Variants in TULP4 observed in about 807,000 individuals in gnomAD.
TULP4 encodes tubby-related protein 4.
In TULP4, 16 loss-of-function variants were observed where a neutral mutation model predicts 129.0. That is an observed-to-expected ratio of 0.12 (90% CI 0.08 to 0.19). The LOEUF (loss-of-function observed/expected upper bound fraction) is 0.19, where lower values mean the gene tolerates loss of function less well. Ranked by LOEUF, TULP4 falls within the 10% of genes least tolerant of loss-of-function variation. The pLI is 1.00. For missense variants in TULP4, 1,842 were observed against 2,059.1 expected, an observed-to-expected ratio of 0.89 and a Z score of 2.04; for synonymous variants, 998 against 854.0, an observed-to-expected ratio of 1.17 and a Z score of -2.94.
intron 1 of TULP4, among the ~76,000 whole-genome samples, chr6:158,387,970 GA>G (rs1345870351): frequency 6.6e-6 from 1 of 152,118 alleles, no homozygotes; most frequent in Non-Finnish European, 1.5e-5. Context: ...TCATATTTGT[GA>G]AAGTAAGTGT....
intron 1 of TULP4, among the ~76,000 whole-genome samples, chr6:158,333,952 G>A (rs920287865): frequency 5.3e-5 from 8 of 152,156 alleles, no homozygotes. Context: ...ACTGTAGTAT[G>A]TACTACACTA....
At chr6:158,336,118 A>G (rs747591104) in intron 1 of TULP4, among the ~76,000 whole-genome samples, 17 of 152,230 alleles carry the variant, frequency 1.1e-4, no homozygotes, top group Non-Finnish European at 2.1e-4. Flanking sequence ...AAGCTTTTAC[A>G]TTGTTGCCAA....
chr6:158,257,528 G>A (rs923728938), intron 1 of TULP4, among the ~76,000 whole-genome samples: 4 of 152,306 alleles, frequency 2.6e-5, no homozygotes, highest in East Asian at 1.9e-4. Context: ...TTTCAACCAG[G>A]TGCTTTCATG....
chr6:158,307,042 T>TA (rs1327350977), intron 1 of TULP4, among the ~76,000 whole-genome samples: 2 of 152,112 alleles, frequency 1.3e-5, no homozygotes, highest in Admixed American at 6.5e-5. Context: ...ATAAAACTGA[T>TA]AAAAAATATT....
chr6:158,388,474 C>T lies in TULP4; in HGVS notation c.253-24591C>T, dbSNP rs143191706. On this transcript the variant is annotated intron_variant, in intron 1 of 13. Transcript: ENST00000367097. ...CTTCCTGAGTAGCTGAGACTAGAGG[C>T]GCCCATCACAACGCCCGGCTAATTT... 1.4e-3 allele frequency among the ~76,000 whole-genome samples: 206 copies of T among 151,508 alleles called. 1 individual carries two copies. The highest frequency in any genetic ancestry group is 4.7e-3 in the African/African-American group (194 of 41,384).
chr6:158,435,008 G>A (rs746586336), intron 3 of TULP4, among the ~76,000 whole-genome samples: 1 of 152,202 alleles, frequency 6.6e-6, no homozygotes. Context: ...CTCTGCTGTG[G>A]GAGACAACGG....
chr6:158,377,962 A>G (rs989198800), intron 1 of TULP4, among the ~76,000 whole-genome samples: 1 of 152,104 alleles, frequency 6.6e-6, no homozygotes, highest in Non-Finnish European at 1.5e-5. Flanking sequence ...AGACTCAGTT[A>G]TGTGTCTGGT....
At chr6:158,364,458 A>G (rs1325000632) in intron 1 of TULP4, among the ~76,000 whole-genome samples, 1 of 152,186 alleles carries the variant, frequency 6.6e-6, no homozygotes, top group Admixed American at 6.5e-5. Flanking sequence ...TAGAGTAACT[A>G]TCTATAGAAG....
intron 1 of TULP4, among the ~76,000 whole-genome samples, chr6:158,302,901 C>T (rs1389843172): frequency 6.6e-6 from 1 of 151,934 alleles, no homozygotes; most frequent in African/African-American, 2.4e-5. Flanking sequence ...TTTTGACCCT[C>T]AGGGCCAGTG....
intron 12 of TULP4, among the ~76,000 whole-genome samples, chr6:158,500,615 T>C (rs1336259702): frequency 1.3e-5 from 2 of 152,236 alleles, no homozygotes; most frequent in Non-Finnish European, 2.9e-5. Flanking sequence ...GTGGGCACTT[T>C]AAACAGGGTG....
intron 1 of TULP4, among the ~76,000 whole-genome samples, chr6:158,391,079 A>AAAT (rs1366126897): frequency 6.6e-6 from 1 of 152,186 alleles, no homozygotes; most frequent in Admixed American, 6.5e-5. Flanking sequence ...CAACTCTAAA[A>AAAT]AATAATAATA....
intron 1 of TULP4, among the ~76,000 whole-genome samples, chr6:158,276,904 G>A (rs998462200): frequency 6.6e-6 from 1 of 152,102 alleles, no homozygotes; most frequent in Admixed American, 6.5e-5. Flanking sequence ...CAAGACCTCT[G>A]CTGGTCTTCT....
At chr6:158,239,347 GGCCGGGC>G (rs1777802022) in intron 1 of TULP4, among the ~76,000 whole-genome samples, 1 of 64,572 alleles carries the variant, frequency 1.5e-5, no homozygotes. Context: ...CGGGGCGGCT[GGCCGGGC>G]AGGGGGGCTG....
At chr6:158,504,648 G>A (rs373255181) in intron 13 of TULP4, among the ~76,000 whole-genome samples, 3 of 129,734 alleles carry the variant, frequency 2.3e-5, no homozygotes, top group African/African-American at 6.2e-5. Context: ...GAGCTACCAC[G>A]CCCAGCCCTA....
intron 1 of TULP4, among the ~76,000 whole-genome samples, chr6:158,373,544 C>T (rs1181557201): frequency 6.6e-6 from 1 of 152,134 alleles, no homozygotes. Context: ...TTCAGTTCCA[C>T]TTACAAACTA....
chr6:158,363,764 C>T (rs773822949), intron 1 of TULP4, among the ~76,000 whole-genome samples: 1 of 152,024 alleles, frequency 6.6e-6, no homozygotes, highest in African/African-American at 2.4e-5. Flanking sequence ...GGATTACAGG[C>T]GTGAGCCACC....
At chr6:158,444,180 A>G (rs563502629) in intron 3 of TULP4, among the ~76,000 whole-genome samples, 119 of 119,930 alleles carry the variant, frequency 9.9e-4, no homozygotes, top group Non-Finnish European at 1.3e-3. Context: ...AGATTGCACC[A>G]CTGTACTCCA....
rs1243789519 is a variant in TULP4, at chr6:158,481,272, G to T, written c.1469G>T (p.Arg490Leu). 1.9e-6 allele frequency: 3 copies of T among 1,613,646 alleles called. No individual in the cohort carries two copies. The highest frequency in any genetic ancestry group is 2.7e-5 in the African/African-American group (2 of 74,916). ...CCAGAGTTCGTCATCATGGACCCGCGGACAGATAGCAAACCAGGTGGGCCC... is the reference window on the plus strand; with the variant it reads ...CCAGAGTTCGTCATCATGGACCCGCTGACAGATAGCAAACCAGGTGGGCCC... Reference protein sequence around the residue: ...LRPEFVIMDPRTDSKPDEIYG... With the variant: ...LRPEFVIMDPLTDSKPDEIYG... Residue 490 changes from arginine (R) to leucine (L), a missense_variant, in exon 8 of 14, where the codon CGG becomes CTG. Physicochemically the swap from Arg to Leu is moderately radical, Grantham distance 102 (BLOSUM62 -2). Around this residue, in one of 5 missense-constraint regions of TULP4, gnomAD observed 456 missense variants for 534.3 expected, o/e 0.85. Transcript: ENST00000367097.
At chr6:158,485,337 A>G (rs1780041010) in intron 8 of TULP4, among the ~76,000 whole-genome samples, 1 of 152,236 alleles carries the variant, frequency 6.6e-6, no homozygotes, top group South Asian at 2.1e-4. Flanking sequence ...GACTATTCAT[A>G]TTGCAAAAAA....
Sources: gnomAD v4.1 joint callset for allele counts (sites outside exome capture counted in the v4.1 genomes callset) on GRCh38, gnomAD v4.1.1 for gene constraint, gnomAD v4.1.1 regional missense constraint, MANE v1.5 for transcripts, NCBI Gene and HGNC (gene_info 2026-07-23, HGNC 2026-07-21) for gene names.